Variants in GLIS3 observed in about 807,000 individuals in gnomAD.
GLIS3 encodes zinc finger protein GLIS3.
Under a neutral mutation model 78.6 loss-of-function variants are expected in GLIS3, and 53 were observed. The ratio of observed to expected loss-of-function variants is 0.67; its 90% CI spans 0.54 to 0.85. GLIS3 has a LOEUF of 0.85. GLIS3 is among the 40% of genes least tolerant of loss of function. The pLI is 0.00. For missense variants in GLIS3, 1,703 were observed against 1,231.1 expected (o/e 1.38, Z -5.74); for synonymous variants, 684 against 509.9 (o/e 1.34, Z -4.60).
intron 6 of GLIS3, among the ~76,000 whole-genome samples, chr9:3,904,759 C>A (rs1424410786): frequency 2.0e-5 from 3 of 152,184 alleles, no homozygotes; most frequent in Admixed American, 6.5e-5. Flanking sequence ...GGAGTACATA[C>A]TATTGTGACT....
intron 9 of GLIS3, among the ~76,000 whole-genome samples, chr9:3,832,867 A>G (rs1818127712): frequency 6.6e-6 from 1 of 152,194 alleles, no homozygotes; most frequent in Non-Finnish European, 1.5e-5. Context: ...CAACTTCACA[A>G]ATAGGGACAT....
intron 2 of GLIS3, among the ~76,000 whole-genome samples, chr9:4,216,480 A>G (rs1187640489): frequency 1.1e-5 from 1 of 93,004 alleles, no homozygotes; most frequent in African/African-American, 4.6e-5. Flanking sequence ...ACTCTGTCTC[A>G]AAAAAAAAAA....
chr9:4,190,375 C>T (rs1332937134), intron 2 of GLIS3, among the ~76,000 whole-genome samples: 2 of 151,706 alleles, frequency 1.3e-5, no homozygotes, highest in African/African-American at 2.4e-5. Context: ...TCGAGAACTA[C>T]GTGAAGAATG....
the GLIS3 span, among the ~76,000 whole-genome samples, chr9:4,457,721 A>G: frequency 8.6e-5 from 13 of 151,992 alleles, 1 homozygote; most frequent in East Asian, 2.5e-3. Context: ...ATGGTGGCAC[A>G]TATCTGTAGT....
chr9:3,895,955 C>A lies in GLIS3; in HGVS notation c.2128+2736G>T, dbSNP rs1342662213. Reference sequence around the variant, plus strand: ...TACTAGCACTTAAAGGTAGAAGTGCCTGACAATCATTAAACAAATATTTTC... The same window carrying A: ...TACTAGCACTTAAAGGTAGAAGTGCATGACAATCATTAAACAAATATTTTC... On this transcript the variant is annotated intron_variant, in intron 7 of 10. Coordinates refer to ENST00000381971, the MANE Select transcript of GLIS3 (RefSeq NM_001042413.2). Among the ~76,000 whole-genome samples, 6 of 152,162 alleles carry A rather than the reference C, an allele frequency of 3.9e-5. No homozygotes were observed. In the East Asian group the frequency reaches 1.2e-3, roughly 29 times the overall value.
the GLIS3 span, among the ~76,000 whole-genome samples, chr9:4,396,078 C>T: frequency 5.3e-5 from 8 of 151,210 alleles, no homozygotes; most frequent in African/African-American, 1.9e-4. Context: ...AGCCTGGTCA[C>T]CATTTTCTAT....
the GLIS3 span, among the ~76,000 whole-genome samples, chr9:4,355,623 A>C: frequency 6.6e-6 from 1 of 152,142 alleles, no homozygotes; most frequent in Non-Finnish European, 1.5e-5. Context: ...AAGCTTTATC[A>C]CCTTTGGAAT....
intron 2 of GLIS3, among the ~76,000 whole-genome samples, chr9:4,322,718 A>C (rs1406462278): frequency 6.6e-6 from 1 of 152,154 alleles, no homozygotes; most frequent in African/African-American, 2.4e-5. Flanking sequence ...TCTTTTGAAA[A>C]GTGTCTGCTC....
At chr9:3,925,885 C>T (rs1308424073) in intron 6 of GLIS3, among the ~76,000 whole-genome samples, 2 of 152,136 alleles carry the variant, frequency 1.3e-5, no homozygotes, top group Non-Finnish European at 2.9e-5. Context: ...ATCAATTAGC[C>T]TTTGGTAAAA....
chr9:4,012,765 C>CTTTTTTTTTTTTTTT (rs71324278), intron 4 of GLIS3, among the ~76,000 whole-genome samples: 353 of 66,364 alleles, frequency 5.3e-3, no homozygotes, highest in East Asian at 6.8e-3. Context: ...TTTTCTTTTT[C>CTTTTTTTTTTTTTTT]TTTTTTTTTT....
chr9:4,082,668 G>A (rs879943958), intron 4 of GLIS3, among the ~76,000 whole-genome samples: 5 of 152,090 alleles, frequency 3.3e-5, no homozygotes, highest in Non-Finnish European at 5.9e-5. Context: ...TCAGTGTCCC[G>A]GGAGGCAGTG....
At chr9:4,153,324 G>C (rs1834819518) in intron 2 of GLIS3, among the ~76,000 whole-genome samples, 1 of 152,204 alleles carries the variant, frequency 6.6e-6, no homozygotes, top group African/African-American at 2.4e-5. Context: ...AGCACTTTGG[G>C]AGGCTGAGGC....
At chr9:4,079,857 A>G (rs1828401353) in intron 4 of GLIS3, among the ~76,000 whole-genome samples, 1 of 152,226 alleles carries the variant, frequency 6.6e-6, no homozygotes, top group Non-Finnish European at 1.5e-5. Flanking sequence ...GCTACTGATA[A>G]GTAAACATCA....
chr9:4,421,266 G>C, the GLIS3 span, among the ~76,000 whole-genome samples: 1 of 152,202 alleles, frequency 6.6e-6, no homozygotes, highest in South Asian at 2.1e-4. Context: ...TCGTCCCACA[G>C]GACAGGAAAG....
In GLIS3 at chr9:4,086,569, G is replaced by C. The variant is rs78672546; in HGVS notation, c.1710+31199C>G. 7.7e-3 allele frequency among the ~76,000 whole-genome samples: 1,172 copies of C among 152,322 alleles called. 19 individuals are homozygous for C. Among genetic ancestry groups the C allele is most frequent in the African/African-American group, 0.027 (1,108 of 41,552 alleles). On this transcript the variant is annotated intron_variant, in intron 4 of 10. Coordinates refer to ENST00000381971, the MANE Select transcript of GLIS3 (RefSeq NM_001042413.2). ...AAAACAAATCTTTAACAATCAGTCA[G>C]ACACAGGAAATTGTGAAAAGCATGT...
intron 4 of GLIS3, among the ~76,000 whole-genome samples, chr9:3,999,618 T>C (rs1178114943): frequency 2.0e-5 from 3 of 151,872 alleles, no homozygotes; most frequent in African/African-American, 7.3e-5. Flanking sequence ...AAGATAATAA[T>C]TAAGAGACAA....
At chr9:4,414,218 G>C in the GLIS3 span, among the ~76,000 whole-genome samples, 1 of 152,256 alleles carries the variant, frequency 6.6e-6, no homozygotes. Context: ...GCCCAGTTCA[G>C]AAAAATGTAG....
chr9:3,926,312 G>A (rs1264667317), intron 6 of GLIS3, among the ~76,000 whole-genome samples: 2 of 146,554 alleles, frequency 1.4e-5, no homozygotes, highest in African/African-American at 5.1e-5. Context: ...CTCACTGCAA[G>A]CTCCACCTCC....
intron 2 of GLIS3, among the ~76,000 whole-genome samples, chr9:4,254,375 T>G (rs921560756): frequency 6.6e-6 from 1 of 152,200 alleles, no homozygotes; most frequent in Non-Finnish European, 1.5e-5. Flanking sequence ...ATACAGAATT[T>G]TTTAAAAGAC....
Sources: gnomAD v4.1 joint callset for allele counts (sites outside exome capture counted in the v4.1 genomes callset) on GRCh38, gnomAD v4.1.1 for gene constraint, MANE v1.5 for transcripts, NCBI Gene and HGNC (gene_info 2026-07-23, HGNC 2026-07-21) for gene names.